HOXD13: variants seen among roughly 807,000 people sequenced by gnomAD.
The protein encoded by HOXD13 is homeobox D13, also known as homeobox protein Hox-D13.
HOXD13 carries 16 observed loss-of-function variants against 27.3 expected under a neutral mutation model. The ratio of observed to expected loss-of-function variants is 0.59; its 90% CI spans 0.40 to 0.89. The LOEUF (loss-of-function observed/expected upper bound fraction) is 0.89, where lower values mean the gene tolerates loss of function less well. Ranked by LOEUF, HOXD13 falls within the 40% of genes least tolerant of loss-of-function variation. The pLI is 0.00. For missense variants in HOXD13, 481 were observed against 482.6 expected (o/e 1.00, Z 0.03); for synonymous variants, 241 against 219.0 (o/e 1.10, Z -0.89).
In HOXD13 at chr2:176,093,363, C is replaced by A; in HGVS notation, c.473C>A (p.Ser158Ter). Residue 158 changes from serine (S) to a stop codon, truncating the protein, a stop_gained, in exon 1 of 2, where the codon TCG becomes TAG. Transcript: ENST00000392539. LOFTEE classifies it high-confidence loss of function. ...QNALKSSPHA[S>*]LGGFPVEKYM... is the part of the protein sequence containing the mutation. ...GCGCTCAAGTCATCGCCGCACGCCT[C>A]GCTGGGAGGCTTTCCCGTGGAGAAG... The A allele has an allele frequency of 6.2e-7, 1 of 1,613,852 alleles. No homozygotes were observed.
upstream of HOXD13, among the ~76,000 whole-genome samples, chr2:176,091,516 G>A (rs1042365415): frequency 1.3e-5 from 2 of 152,164 alleles, no homozygotes; most frequent in Middle Eastern, 6.3e-3. Context: ...GGGATGATGA[G>A]GGACAGGGCT....
At chr2:176,089,202 G>C (rs1330336368), upstream of HOXD13, among the ~76,000 whole-genome samples, 1 of 146,914 alleles carries the variant, frequency 6.8e-6, no homozygotes, top group African/African-American at 2.7e-5. Flanking sequence ...GGTTTGGTTT[G>C]TTGTTGTTGT....
chr2:176,090,033 A>G (rs576685098), upstream of HOXD13, among the ~76,000 whole-genome samples: 2 of 152,310 alleles, frequency 1.3e-5, no homozygotes, highest in Admixed American at 6.5e-5. Context: ...TTCCTCCTCT[A>G]CCTGGCATCC....
chr2:176,094,429 G>A, intron 1 of HOXD13, 51 bp from the exon 2 acceptor site: 1 of 1,588,038 alleles, frequency 6.3e-7, no homozygotes. Flanking sequence ...TCCTCAGCTA[G>A]GTGCTCCGAA....
Position 176,093,268 on chromosome 2 carries a change from C to T in HOXD13, c.378C>T (p.Gly126=). ...AAAPPSAPAL[G]YGYHFGNGYY... ...CGCCCCCGAGCGCTCCAGCGCTGGG[C>T]TACGGCTACCACTTCGGCAACGGCT... The change falls in exon 1 of 2, where the codon GGC becomes GGT. Residue 126 remains glycine, a synonymous_variant. Transcript: ENST00000392539. 2 of 1,611,124 alleles carry T rather than the reference C, an allele frequency of 1.2e-6. No individual in the cohort carries two copies. The highest frequency in any genetic ancestry group is 8.5e-7 in the Non-Finnish European group (1 of 1,179,508).
rs373546423 is a variant in HOXD13 at position 176,093,187 on chromosome 2, G to T, written c.297G>T (p.Pro99=). The stretch of plus-strand genomic sequence containing the variant: ...CTTCTGCCGTTGTAGCGGCGCGCCC[G>T]GAGGCTCCCCCAGCCAAAGAGTGCC... ...SSSSAVVAAR[P]EAPPAKECPA... Residue 99 remains proline, a synonymous_variant, in exon 1 of 2, where the codon CCG becomes CCT. Transcript: ENST00000392539. 56 of 1,608,826 alleles carry T rather than the reference G, an allele frequency of 3.5e-5. No homozygotes were observed. The highest frequency in any genetic ancestry group is 5.9e-6 in the Non-Finnish European group (7 of 1,179,570).
Position 176,093,150 on chromosome 2 carries a change from C to T in HOXD13, c.260C>T (p.Ser87Leu), listed in dbSNP as rs139995491. 1.9e-6 allele frequency: 3 copies of T among 1,606,730 alleles called. No homozygotes were observed. The highest frequency in any genetic ancestry group is 1.7e-5 in the Admixed American group (1 of 59,968). Residue 87 changes from serine to leucine, a missense_variant, in exon 1 of 2, where the codon TCG becomes TTG. By Grantham distance (145) the Ser-to-Leu change is moderately radical. Coordinates refer to ENST00000392539, the MANE Select transcript of HOXD13 (RefSeq NM_000523.4). ...PGTSERTGSS[S>L]SSSSSAVVAA... ...ACCTCTGAGCGCACGGGCTCTTCCT[C>T]GTCGTCGTCCTCTTCTGCCGTTGTA...
upstream of HOXD13, among the ~76,000 whole-genome samples, chr2:176,088,498 A>G (rs1043786859): frequency 6.6e-6 from 1 of 152,126 alleles, no homozygotes; most frequent in Admixed American, 6.5e-5. Context: ...AGGCGTGGGG[A>G]ACTGCGCGCC....
chr2:176,091,971 C>G (rs1284384371), upstream of HOXD13, among the ~76,000 whole-genome samples: 1 of 152,034 alleles, frequency 6.6e-6, no homozygotes, highest in African/African-American at 2.4e-5. Context: ...AGAGTAGAGG[C>G]GAAGAGCGTT....
chr2:176,088,010 A>C (rs1689266369), upstream of HOXD13, among the ~76,000 whole-genome samples: 1 of 152,268 alleles, frequency 6.6e-6, no homozygotes, highest in African/African-American at 2.4e-5. Flanking sequence ...CCGTAGCTGC[A>C]GCGAAGCCCC....
At chr2:176,092,107 G>A (rs374891508), upstream of HOXD13, among the ~76,000 whole-genome samples, 3 of 152,184 alleles carry the variant, frequency 2.0e-5, no homozygotes, top group African/African-American at 7.2e-5. Flanking sequence ...TTTTCCGAAC[G>A]GACAGCGTGT....
chr2:176,091,322 T>C (rs1441119923), upstream of HOXD13, among the ~76,000 whole-genome samples: 2 of 152,118 alleles, frequency 1.3e-5, no homozygotes. Context: ...GGGGAGTGCA[T>C]GCCACAGAAC....
Position 176,093,153 on chromosome 2 carries a change from C to T in HOXD13, c.263C>T (p.Ser88Leu). The T allele has an allele frequency of 1.2e-6, 2 of 1,607,130 alleles. No homozygotes were observed. The highest frequency in any genetic ancestry group is 1.7e-6 in the Non-Finnish European group (2 of 1,179,462). The change falls in exon 1 of 2, where the codon TCG (serine) becomes TTG (leucine). Residue 88 changes from serine to leucine, a missense_variant. By Grantham distance (145) the Ser-to-Leu change is moderately radical. Transcript: ENST00000392539. ...TCTGAGCGCACGGGCTCTTCCTCGTCGTCGTCCTCTTCTGCCGTTGTAGCG... is the reference window on the plus strand; with the variant it reads ...TCTGAGCGCACGGGCTCTTCCTCGTTGTCGTCCTCTTCTGCCGTTGTAGCG... ...GTSERTGSSS[S>L]SSSSAVVAAR...
Position 176,093,116 on chromosome 2 carries a change from T to C in HOXD13, c.226T>C (p.Tyr76His), listed in dbSNP as rs1334930092. The C allele has an allele frequency of 6.3e-7, 1 of 1,574,930 alleles. No homozygotes were observed. Among genetic ancestry groups the C allele is most frequent in the Non-Finnish European group, 8.6e-7 (1 of 1,166,956 alleles). ...GGCGGCGGCAGCCTCCGGCTTTGCG[T>C]ACCCCGGGACCTCTGAGCGCACGGG... ...AAAAAASGFA[Y>H]PGTSERTGSS... is the part of the protein sequence containing the mutation. The change falls in exon 1 of 2, where the codon TAC becomes CAC. Residue 76 changes from tyrosine (Y) to histidine (H), a missense_variant. Physicochemically the swap from Tyr to His is moderately conservative, Grantham distance 83. Coordinates refer to ENST00000392539, the MANE Select transcript of HOXD13 (RefSeq NM_000523.4).
rs2105378697 is a variant in HOXD13, at chr2:176,093,352, G to A, written c.462G>A (p.Ser154=). The A allele has an allele frequency of 6.2e-7, 1 of 1,613,704 alleles. No individual in the cohort carries two copies. The highest frequency in any genetic ancestry group is 8.5e-7 in the Non-Finnish European group (1 of 1,180,024). ...TACAGCAGAATGCGCTCAAGTCATC[G>A]CCGCACGCCTCGCTGGGAGGCTTTC... ...VGLQQNALKS[S]PHASLGGFPV... The change falls in exon 1 of 2, where the codon TCG becomes TCA. Residue 154 remains serine (S), a synonymous_variant. Transcript: ENST00000392539.
At chr2:176,093,707 AG>A (rs1411320668) in intron 1 of HOXD13, 36 bp downstream of exon 1, 1 of 1,370,026 alleles carries the variant, frequency 7.3e-7, no homozygotes, top group Admixed American at 2.0e-5. Flanking sequence ...GACACGAGGG[AG>A]GGGGAGAGAG....
intron 1 of HOXD13, 87 bp from the exon 2 acceptor site, chr2:176,094,385 GCACACACA>G (rs10649769): frequency 6.2e-5 from 74 of 1,202,096 alleles, no homozygotes; most frequent in South Asian, 1.3e-4. Flanking sequence ...CCCTGCAAAC[GCACACACA>G]CACACACACA....
In HOXD13 at chr2:176,092,955, C is replaced by A; in HGVS notation, c.65C>A (p.Ala22Asp). The A allele has an allele frequency of 3.7e-6, 5 of 1,333,860 alleles. No individual in the cohort carries two copies. The highest frequency in any genetic ancestry group is 3.4e-5 in the Admixed American group (1 of 29,060). The allele number at this position is 1,333,860 out of a possible 1,614,324, so 82.6% of individuals were successfully genotyped here. ...GCAGACGGCGGGGGCGCCGGTGGCG[C>A]CCCGGCCTCTTCCTCCTCCTCATCG... ...LRADGGGAGG[A>D]PASSSSSSVA... The change falls in exon 1 of 2, where the codon GCC (alanine) becomes GAC (aspartate). Residue 22 changes from alanine (A) to aspartate (D), a missense_variant. Coordinates refer to ENST00000392539, the MANE Select transcript of HOXD13 (RefSeq NM_000523.4).
chr2:176,093,496 C>T lies in HOXD13; in HGVS notation c.606C>T (p.His202=), dbSNP rs1417937283. ...AGGGCTATACGAGCCCTTACCAGCA[C>T]GTGCCCGGCTATATCGACATGGTGT... is the stretch of plus-strand genomic sequence containing the variant. ...FYQGYTSPYQ[H]VPGYIDMVST... The change falls in exon 1 of 2, where the codon CAC becomes CAT. Residue 202 remains histidine, a synonymous_variant. Transcript: ENST00000392539. 1 of 1,614,040 alleles carries T rather than the reference C, an allele frequency of 6.2e-7. No homozygotes were observed. The highest frequency in any genetic ancestry group is 8.5e-7 in the Non-Finnish European group (1 of 1,180,030).
Sources: allele counts gnomAD v4.1 joint callset (sites outside exome capture counted in the v4.1 genomes callset), GRCh38; gene constraint gnomAD v4.1.1; transcripts MANE v1.5; gene names NCBI Gene and HGNC (gene_info 2026-07-23, HGNC 2026-07-21).